The following DMD variants were observed in gnomAD, a reference collection of about 807,000 sequenced individuals.
DMD encodes the protein dystrophin, also known as mutant dystrophin.
In DMD, 63 loss-of-function variants were observed where a neutral mutation model predicts 330.1. The observed-to-expected ratio is 0.19, with a 90% CI of 0.16 to 0.24. The LOEUF is 0.24. Among genes scored for constraint, DMD ranks in the 10% least tolerant of loss-of-function variants. The pLI, the probability that DMD is intolerant of heterozygous loss-of-function variation, is 1.00. For missense variants in DMD, 3,344 were observed against 2,684.1 expected (o/e 1.25, Z -5.43); for synonymous variants, 1,223 against 959.8 (o/e 1.27, Z -5.07).
intron 62 of DMD, among the ~76,000 whole-genome samples, chrX:31,301,565 C>G (rs1045653538): frequency 9.0e-6 from 1 of 111,633 alleles, no homozygotes; most frequent in African/African-American, 3.3e-5. Context: ...ACGGAGAAAT[C>G]TGCCCCCATG....
At chrX:31,741,565 AT>A (rs1249923845) in intron 51 of DMD, among the ~76,000 whole-genome samples, 2 of 111,012 alleles carry the variant, frequency 1.8e-5, no homozygotes, top group African/African-American at 6.5e-5. Flanking sequence ...TGAAAGACAC[AT>A]TTTTTTGAGA....
chrX:32,178,988 CCT>C (rs1569549038), intron 44 of DMD, among the ~76,000 whole-genome samples: 104 of 104,943 alleles, frequency 9.9e-4, no homozygotes, highest in Middle Eastern at 4.9e-3. Flanking sequence ...CTCTCCCTCT[CCT>C]CCTGCTCCTC....
intron 37 of DMD, among the ~76,000 whole-genome samples, chrX:32,356,248 T>A (rs2097799328): frequency 9.1e-6 from 1 of 109,676 alleles, no homozygotes; most frequent in South Asian, 3.9e-4. Flanking sequence ...GGCCCAATCA[T>A]GTGTTTCTTT....
chrX:32,467,629 C>T (rs1245048625), intron 23 of DMD, among the ~76,000 whole-genome samples: 1 of 71,461 alleles, frequency 1.4e-5, no homozygotes, highest in African/African-American at 4.3e-5. Flanking sequence ...TTCCATTATA[C>T]ACGTATATAT....
intron 50 of DMD, among the ~76,000 whole-genome samples, chrX:31,808,662 A>G (rs1434489240): frequency 1.9e-4 from 21 of 111,500 alleles, no homozygotes; most frequent in Non-Finnish European, 4.0e-4. Flanking sequence ...TGGAAAAAAT[A>G]AAACTTCTTG....
chrX:31,819,821 T>C (rs991528037), intron 50 of DMD, among the ~76,000 whole-genome samples, 154 bp downstream of exon 50: 2 of 113,035 alleles, frequency 1.8e-5, no homozygotes, highest in African/African-American at 6.5e-5. Context: ...TTCCAAGGAA[T>C]GTACTCTAAG....
At position 32,968,636 on chromosome X, in the gene DMD, T is replaced by A. The variant is rs141970890; in HGVS notation, c.93+51503A>T. 3.0e-3 allele frequency among the ~76,000 whole-genome samples: 329 copies of A among 111,268 alleles called. 1 individual carries two copies. The highest frequency in any genetic ancestry group is 9.7e-3 in the African/African-American group (296 of 30,652). ...AAAATTCATATGTTGAAATCCTAACTCCCAAAGTGATAGTATTAGGAGATG... is the reference window on the plus strand; with the variant it reads ...AAAATTCATATGTTGAAATCCTAACACCCAAAGTGATAGTATTAGGAGATG... On this transcript the variant is annotated intron_variant, in intron 2 of 78. Coordinates refer to ENST00000357033, the MANE Select transcript of DMD (RefSeq NM_004006.3).
At chrX:32,732,340 A>G (rs2067803532) in intron 7 of DMD, among the ~76,000 whole-genome samples, 1 of 111,312 alleles carries the variant, frequency 9.0e-6, no homozygotes, top group Non-Finnish European at 1.9e-5. Flanking sequence ...AACACTCTGC[A>G]GGATATTATC....
At chrX:31,280,942 C>G (rs779186188) in intron 62 of DMD, among the ~76,000 whole-genome samples, 15 of 111,587 alleles carry the variant, frequency 1.3e-4, no homozygotes, top group Non-Finnish European at 2.3e-4. Context: ...TTGGAGAGCT[C>G]GATTACAAAA....
At position 32,562,498 on chromosome X, in the gene DMD, C is replaced by G. The variant is rs1252534000; in HGVS notation, c.1992+3204G>C. ...GTCATCTCAATCACGATTTCCACAC[C>G]CTGCCTCACAATAGGTTTTAACCAT... On this transcript the variant is annotated intron_variant, in intron 16 of 78. Transcript: ENST00000357033. Among the ~76,000 whole-genome samples the G allele has an allele frequency of 3.5e-5, 4 of 112,748 alleles. No individual in the cohort carries two copies. The Admixed American group carries it at 3.8e-4, about 11-fold the overall frequency.
intron 55 of DMD, among the ~76,000 whole-genome samples, chrX:31,591,385 T>G (rs1469885761): frequency 9.0e-6 from 1 of 111,482 alleles, no homozygotes; most frequent in African/African-American, 3.3e-5. Context: ...GACACAAAAA[T>G]CTCAGAGAGA....
At chrX:31,686,027 C>T in intron 52 of DMD, among the ~76,000 whole-genome samples, 1 of 112,092 alleles carries the variant, frequency 8.9e-6, no homozygotes. Context: ...CCTGGGATCA[C>T]ATTACAACCA....
rs1220941485 is a variant in DMD, at chrX:32,858,446, C to T, written c.94-8626G>A. On this transcript the variant is annotated intron_variant, in intron 2 of 78. Transcript: ENST00000357033. ...CCAGGTTCAAGTGATTCTCCTGCCT[C>T]AGCCTCCCAAGTAGCTGGGACTACA... Among the ~76,000 whole-genome samples, 3 of 112,005 alleles carry T rather than the reference C, an allele frequency of 2.7e-5. No individual in the cohort carries two copies. In the East Asian group the frequency reaches 8.4e-4, roughly 31 times the overall value.
intron 9 of DMD, among the ~76,000 whole-genome samples, chrX:32,664,786 C>A (rs2061199200): frequency 9.0e-6 from 1 of 111,554 alleles, no homozygotes; most frequent in Non-Finnish European, 1.9e-5. Context: ...AAGCTCTGAG[C>A]TGGGGGTAAA....
intron 22 of DMD, among the ~76,000 whole-genome samples, chrX:32,468,962 T>A (rs1190037155): frequency 1.8e-5 from 2 of 110,849 alleles, no homozygotes; most frequent in African/African-American, 6.5e-5. Context: ...ATCTCAAAAC[T>A]ATATCTTACA....
chrX:31,365,553 G>A (rs979778366), intron 60 of DMD, among the ~76,000 whole-genome samples: 1 of 112,150 alleles, frequency 8.9e-6, no homozygotes, highest in African/African-American at 3.2e-5. Context: ...CAGACCACCT[G>A]TGATTTGGCC....
chrX:32,800,262 A>G (rs1256708807), intron 7 of DMD, among the ~76,000 whole-genome samples: 2 of 112,156 alleles, frequency 1.8e-5, no homozygotes. Flanking sequence ...ATTACTATAC[A>G]GGCATGAATC....
At chrX:31,358,711 A>G (rs946388326) in intron 60 of DMD, among the ~76,000 whole-genome samples, 4 of 112,607 alleles carry the variant, frequency 3.6e-5, no homozygotes, top group African/African-American at 9.7e-5. Flanking sequence ...TATTTTCCAT[A>G]AGAGAGACAT....
intron 60 of DMD, among the ~76,000 whole-genome samples, chrX:31,427,063 A>G (rs754732336): frequency 8.9e-6 from 1 of 112,247 alleles, no homozygotes; most frequent in South Asian, 3.8e-4. Context: ...AAATGTAAAG[A>G]GTCAAAAGAG....
Sources: gnomAD v4.1 joint callset for allele counts (sites outside exome capture counted in the v4.1 genomes callset) on GRCh38, gnomAD v4.1.1 for gene constraint, MANE v1.5 for transcripts, NCBI Gene and HGNC (gene_info 2026-07-23, HGNC 2026-07-21) for gene names.